Variants in ASCC3 observed in about 807,000 individuals in gnomAD.
ASCC3 encodes activating signal cointegrator 1 complex subunit 3, also known as ASC-1 complex subunit P200.
Under a neutral mutation model 256.3 loss-of-function variants are expected in ASCC3, and 158 were observed. That is an observed-to-expected ratio of 0.62 (90% CI 0.54 to 0.70). The LOEUF (loss-of-function observed/expected upper bound fraction) is 0.70, where lower values mean the gene tolerates loss of function less well. Ranked by LOEUF, ASCC3 falls within the 30% of genes least tolerant of loss-of-function variation. The pLI is 0.00. For synonymous variants in ASCC3, 948 were observed against 883.4 expected, an observed-to-expected ratio of 1.07 and a Z score of -1.30; for missense variants, 2,259 against 2,626.0, an observed-to-expected ratio of 0.86 and a Z score of 3.05.
intron 3 of ASCC3, among the ~76,000 whole-genome samples, chr6:100,850,732 A>G (rs1003113946): frequency 1.3e-5 from 2 of 152,222 alleles, no homozygotes; most frequent in Non-Finnish European, 2.9e-5. Context: ...CTGACATACA[A>G]TTATTCTTTT....
chr6:100,836,665 T>A (rs1156623895), intron 4 of ASCC3, among the ~76,000 whole-genome samples: 1 of 152,172 alleles, frequency 6.6e-6, no homozygotes. Context: ...GAGAATGTTT[T>A]ACATCTATGT....
chr6:100,597,734 A>G (rs1182330020), intron 34 of ASCC3, among the ~76,000 whole-genome samples: 1 of 150,452 alleles, frequency 6.6e-6, no homozygotes, highest in East Asian at 2.0e-4. Flanking sequence ...GCACTTTGGG[A>G]GGCCGAGATG....
At chr6:100,752,432 T>G (rs891419042) in intron 10 of ASCC3, among the ~76,000 whole-genome samples, 5 of 152,134 alleles carry the variant, frequency 3.3e-5, no homozygotes, top group Non-Finnish European at 7.4e-5. Flanking sequence ...CATTTCCAAC[T>G]TACTCTAGAA....
intron 8 of ASCC3, among the ~76,000 whole-genome samples, chr6:100,772,735 T>C (rs906406720): frequency 1.3e-5 from 2 of 152,172 alleles, no homozygotes; most frequent in African/African-American, 4.8e-5. Context: ...ATACTGGGCT[T>C]ACAGTCAGAG....
chr6:100,769,187 G>T (rs73504964), intron 8 of ASCC3, among the ~76,000 whole-genome samples: 7 of 151,962 alleles, frequency 4.6e-5, no homozygotes, highest in African/African-American at 1.7e-4. Flanking sequence ...TCGAAGTAGA[G>T]AGTATAATAG....
chr6:100,522,544 G>A (rs1462528374), intron 37 of ASCC3, among the ~76,000 whole-genome samples: 2 of 151,848 alleles, frequency 1.3e-5, no homozygotes, highest in Non-Finnish European at 2.9e-5. Context: ...AGAAATCCTG[G>A]GCACAAAGTG....
chr6:100,527,509 TAA>T (rs1337094838), intron 37 of ASCC3, among the ~76,000 whole-genome samples: 3 of 152,180 alleles, frequency 2.0e-5, no homozygotes, highest in Non-Finnish European at 2.9e-5. Context: ...TCTGCAATTC[TAA>T]AACTCTTAAA....
intron 1 of ASCC3, among the ~76,000 whole-genome samples, chr6:100,876,302 G>A (rs948036242): frequency 6.6e-6 from 1 of 152,138 alleles, no homozygotes; most frequent in Admixed American, 6.5e-5. Flanking sequence ...CAGGTGATGA[G>A]GTGGGATTTT....
At chr6:100,743,333 A>G (rs781250707) in intron 10 of ASCC3, among the ~76,000 whole-genome samples, 5 of 152,136 alleles carry the variant, frequency 3.3e-5, no homozygotes, top group Non-Finnish European at 7.4e-5. Context: ...TGCCCCTTTC[A>G]TTCCGCTTCA....
chr6:100,803,430 T>C lies in ASCC3; in HGVS notation c.922+2330A>G, dbSNP rs183145706. Among the ~76,000 whole-genome samples, 135 of 152,238 alleles carry C rather than the reference T, an allele frequency of 8.9e-4. 1 individual carries two copies. Among genetic ancestry groups the C allele is most frequent in the Non-Finnish European group, 1.6e-3 (107 of 68,008 alleles). The stretch of plus-strand genomic sequence containing the variant: ...CACATATTTCTCTCTCCTGCCACCA[T>C]GTGAAGTAGGTCCTTGCTTCCCCTT... On this transcript the variant is annotated intron_variant, in intron 5 of 41. Transcript: ENST00000369162.
chr6:100,807,333 T>C (rs1209528656), intron 4 of ASCC3, among the ~76,000 whole-genome samples: 2 of 148,196 alleles, frequency 1.3e-5, no homozygotes, highest in African/African-American at 2.5e-5. Context: ...TAATAATATG[T>C]GGCAGAAAGG....
At chr6:100,545,266 C>T (rs1262934339) in intron 36 of ASCC3, among the ~76,000 whole-genome samples, 1 of 152,160 alleles carries the variant, frequency 6.6e-6, no homozygotes, top group Admixed American at 6.5e-5. Flanking sequence ...CAACCTCTAC[C>T]TCCCAGGTTC....
intron 3 of ASCC3, among the ~76,000 whole-genome samples, chr6:100,849,591 A>G (rs1271192743): frequency 2.6e-5 from 4 of 152,288 alleles, no homozygotes; most frequent in African/African-American, 9.6e-5. Context: ...AAAAGAGGCT[A>G]GAAGTAAATA....
intron 13 of ASCC3, among the ~76,000 whole-genome samples, chr6:100,688,217 T>G (rs1777675563): frequency 6.6e-6 from 1 of 151,664 alleles, no homozygotes; most frequent in Non-Finnish European, 1.5e-5. Flanking sequence ...AATCTTGGAA[T>G]TGTAATTGAT....
chr6:100,841,747 A>G (rs1772153989), intron 4 of ASCC3, among the ~76,000 whole-genome samples: 3 of 152,252 alleles, frequency 2.0e-5, no homozygotes, highest in East Asian at 1.9e-4. Flanking sequence ...AGACAGTCAT[A>G]TAGGAGTTGA....
chr6:100,844,020 T>C (rs1202428394), intron 4 of ASCC3, among the ~76,000 whole-genome samples: 2 of 150,862 alleles, frequency 1.3e-5, no homozygotes, highest in African/African-American at 2.4e-5. Context: ...ATTAGAGAAA[T>C]GGGGTTCACA....
chr6:100,642,984 A>C (rs1054866443), intron 23 of ASCC3, among the ~76,000 whole-genome samples: 1 of 152,204 alleles, frequency 6.6e-6, no homozygotes, highest in Admixed American at 6.5e-5. Flanking sequence ...ATATGCATAT[A>C]ATCATGTATT....
At chr6:100,782,361 A>T (rs986582997) in intron 8 of ASCC3, among the ~76,000 whole-genome samples, 1 of 152,190 alleles carries the variant, frequency 6.6e-6, no homozygotes, top group Non-Finnish European at 1.5e-5. Context: ...TATTGATTAC[A>T]ATGTAAAATA....
chr6:100,776,406 A>T (rs1432140871), intron 8 of ASCC3, among the ~76,000 whole-genome samples: 3 of 152,106 alleles, frequency 2.0e-5, no homozygotes, highest in Non-Finnish European at 2.9e-5. Flanking sequence ...AGCAGACCAG[A>T]AACATTTTAA....
Sources: allele counts gnomAD v4.1 joint callset (sites outside exome capture counted in the v4.1 genomes callset), GRCh38; gene constraint gnomAD v4.1.1; transcripts MANE v1.5; gene names NCBI Gene and HGNC (gene_info 2026-07-23, HGNC 2026-07-21).